TRAPPC12: variants seen among roughly 807,000 people sequenced by gnomAD.
TRAPPC12 encodes the protein trafficking protein particle complex subunit 12.
In TRAPPC12, 61 loss-of-function variants were observed where a neutral mutation model predicts 69.2. The ratio of observed to expected loss-of-function variants is 0.88; its 90% CI spans 0.72 to 1.09. TRAPPC12 has a LOEUF of 1.09. Among genes scored for constraint, TRAPPC12 ranks in the 50% least tolerant of loss-of-function variants. The pLI, the probability that TRAPPC12 is intolerant of heterozygous loss-of-function variation, is 0.00. For missense variants in TRAPPC12, 1,101 were observed against 1,016.4 expected (o/e 1.08, Z -1.13); for synonymous variants, 469 against 438.9 (o/e 1.07, Z -0.86).
At chr2:3,403,394 G>A (rs889188527) in intron 3 of TRAPPC12, among the ~76,000 whole-genome samples, 4 of 151,892 alleles carry the variant, frequency 2.6e-5, no homozygotes, top group South Asian at 4.2e-4. Context: ...CACCACACCC[G>A]GCTAATTTTT....
At chr2:3,459,237 G>A (rs1419376041) in intron 7 of TRAPPC12, among the ~76,000 whole-genome samples, 1 of 152,220 alleles carries the variant, frequency 6.6e-6, no homozygotes, top group Non-Finnish European at 1.5e-5. Context: ...TGCTGCCCAG[G>A]GTGGCATCTT....
Position 3,478,895 on chromosome 2 carries a change from T to C in TRAPPC12, c.1927T>C (p.Phe643Leu). 1.2e-6 allele frequency: 2 copies of C among 1,614,206 alleles called. No individual in the cohort carries two copies. The highest frequency in any genetic ancestry group is 1.7e-6 in the Non-Finnish European group (2 of 1,180,042). Residue 643 changes from phenylalanine (F) to leucine (L), a missense_variant, in exon 11 of 12, where the codon TTC (phenylalanine) becomes CTC (leucine). Physicochemically the swap from Phe to Leu is conservative, Grantham distance 22 (BLOSUM62 0). Transcript: ENST00000324266. Reference protein sequence around the residue: ...QNNFAEAHRFFTEILRMDPRN... With the variant: ...QNNFAEAHRFLTEILRMDPRN... ...TAACTTTGCAGAAGCCCACAGGTTC[T>C]TCACAGAGATCTTAAGGATGGATCC...
At chr2:3,479,122 AC>A in intron 11 of TRAPPC12, 96 bp from the exon 12 acceptor site, 3 of 1,552,096 alleles carry the variant, frequency 1.9e-6, no homozygotes, top group African/African-American at 1.4e-5. Context: ...GCTCTGCACC[AC>A]CCCCAGGCCC....
At chr2:3,448,634 CGCGAGGG>C (rs879675506) in intron 6 of TRAPPC12, among the ~76,000 whole-genome samples, 134 of 135,256 alleles carry the variant, frequency 9.9e-4, no homozygotes, top group Middle Eastern at 4.0e-3. Context: ...CAGCCGGTTA[CGCGAGGG>C]TAGGGCGTGG....
intron 2 of TRAPPC12, among the ~76,000 whole-genome samples, chr2:3,395,807 C>T (rs1051865776): frequency 2.6e-5 from 4 of 151,650 alleles, no homozygotes; most frequent in Non-Finnish European, 5.9e-5. Flanking sequence ...TCAGCTCACT[C>T]CAACCTCCAC....
intron 9 of TRAPPC12, among the ~76,000 whole-genome samples, chr2:3,466,741 A>G (rs1246578248): frequency 5.9e-5 from 9 of 152,148 alleles, no homozygotes; most frequent in Non-Finnish European, 1.0e-4. Context: ...GGCACAGCAG[A>G]TGACTGTCAC....
At chr2:3,440,508 A>G (rs1467158510) in intron 5 of TRAPPC12, among the ~76,000 whole-genome samples, 1 of 152,142 alleles carries the variant, frequency 6.6e-6, no homozygotes, top group Non-Finnish European at 1.5e-5. Context: ...CTAGGAAGCC[A>G]GTTGACTTTT....
At chr2:3,478,984 T>TA in intron 11 of TRAPPC12, 51 bp downstream of exon 11, 2 of 1,576,712 alleles carry the variant, frequency 1.3e-6, no homozygotes, top group Non-Finnish European at 1.7e-6. Flanking sequence ...TCACAGACGC[T>TA]AGAAACATAC....
chr2:3,388,386 G>C lies in TRAPPC12; in HGVS notation c.763G>C (p.Gly255Arg). Residue 255 changes from glycine to arginine, a missense_variant, in exon 2 of 12, where the codon GGG becomes CGG. Coordinates refer to ENST00000324266, the MANE Select transcript of TRAPPC12 (RefSeq NM_016030.6). ...PASPPPLAVP[G>R]TEGRPEPVAM... ...CAGCCCGCCTCCCCTCGCTGTGCCC[G>C]GGACCGAGGGGCGCCCCGAACCCGT... The C allele has an allele frequency of 4.4e-6, 7 of 1,603,064 alleles. No individual in the cohort carries two copies. Among genetic ancestry groups the C allele is most frequent in the Non-Finnish European group, 6.0e-6 (7 of 1,174,720 alleles).
intron 5 of TRAPPC12, among the ~76,000 whole-genome samples, chr2:3,441,949 T>C (rs1558385992): frequency 1.3e-5 from 2 of 152,360 alleles, no homozygotes; most frequent in South Asian, 2.1e-4. Context: ...CACCCCCATG[T>C]CCATGGGCAG....
chr2:3,395,793 A>G (rs1661097056), intron 2 of TRAPPC12, among the ~76,000 whole-genome samples: 1 of 150,912 alleles, frequency 6.6e-6, no homozygotes. Context: ...GCAGTGGCAC[A>G]ATCTCAGCTC....
chr2:3,396,717 G>A (rs556985656), intron 2 of TRAPPC12, among the ~76,000 whole-genome samples: 56 of 152,156 alleles, frequency 3.7e-4, no homozygotes, highest in African/African-American at 1.3e-3. Flanking sequence ...AGACTTTTTA[G>A]TTTGCAGCTA....
At chr2:3,392,759 A>T (rs1660893957) in intron 2 of TRAPPC12, among the ~76,000 whole-genome samples, 3 of 152,248 alleles carry the variant, frequency 2.0e-5, no homozygotes. Flanking sequence ...TACAGCCATT[A>T]TGGAAAACAT....
chr2:3,404,127 C>T (rs1661599079), intron 3 of TRAPPC12, among the ~76,000 whole-genome samples: 1 of 152,160 alleles, frequency 6.6e-6, no homozygotes, highest in African/African-American at 2.4e-5. Context: ...TTGCCTGGGG[C>T]CTGGCTCCCG....
chr2:3,405,976 C>T (rs1661707351), intron 3 of TRAPPC12, among the ~76,000 whole-genome samples: 1 of 152,166 alleles, frequency 6.6e-6, no homozygotes, highest in African/African-American at 2.4e-5. Context: ...TTCCCACAAC[C>T]CTGCTTCTGT....
At chr2:3,405,900 T>C (rs1322175065) in intron 3 of TRAPPC12, among the ~76,000 whole-genome samples, 1 of 152,176 alleles carries the variant, frequency 6.6e-6, no homozygotes, top group Non-Finnish European at 1.5e-5. Context: ...AGTTTCTCTT[T>C]TCTCTCCTCA....
chr2:3,462,554 CAT>C (rs1363340862), intron 8 of TRAPPC12, among the ~76,000 whole-genome samples: 2 of 152,190 alleles, frequency 1.3e-5, no homozygotes, highest in African/African-American at 2.4e-5. Context: ...TCTTGAATAA[CAT>C]TTTTATTACA....
intron 3 of TRAPPC12, among the ~76,000 whole-genome samples, chr2:3,403,230 ATTT>A: frequency 8.4e-6 from 1 of 119,394 alleles, no homozygotes; most frequent in African/African-American, 3.3e-5. Context: ...GATTTCACCA[ATTT>A]TTTTTTTTTT....
intron 3 of TRAPPC12, among the ~76,000 whole-genome samples, chr2:3,407,447 A>G (rs756382317): frequency 3.9e-5 from 6 of 152,218 alleles, no homozygotes; most frequent in African/African-American, 7.2e-5. Context: ...TGAGATTTTC[A>G]TAAGATTTCT....
Sources: allele counts gnomAD v4.1 joint callset (sites outside exome capture counted in the v4.1 genomes callset), GRCh38; gene constraint gnomAD v4.1.1; transcripts MANE v1.5; gene names NCBI Gene and HGNC (gene_info 2026-07-23, HGNC 2026-07-21).